VEPH1: variants seen among roughly 807,000 people sequenced by gnomAD.
VEPH1 encodes the protein ventricular zone expressed PH domain containing 1.
Under a neutral mutation model 85.2 loss-of-function variants are expected in VEPH1, and 80 were observed. The ratio of observed to expected loss-of-function variants is 0.94; its 90% CI spans 0.78 to 1.13. The LOEUF is 1.13. VEPH1 is among the 50% of genes most tolerant of loss of function. The probability of loss-of-function intolerance (pLI) is 0.00; values close to 1 mark genes in which losing one functional copy is unlikely to be tolerated. For missense variants in VEPH1, 955 were observed against 980.5 expected, an observed-to-expected ratio of 0.97 and a Z score of 0.35; for synonymous variants, 297 against 348.0, an observed-to-expected ratio of 0.85 and a Z score of 1.63.
intron 9 of VEPH1, among the ~76,000 whole-genome samples, chr3:157,346,926 A>G (rs1233951901): frequency 6.6e-6 from 1 of 152,152 alleles, no homozygotes; most frequent in East Asian, 1.9e-4. Flanking sequence ...TAAATTTTGA[A>G]TTAAATCCTT....
In VEPH1 at chr3:157,324,615, T is replaced by G. The variant is rs533393152; in HGVS notation, c.1736-7414A>C. On this transcript the variant is annotated intron_variant, in intron 9 of 13. Transcript: ENST00000362010. ...GTTTCCTGTTCCTGCATTAGTTTGC[T>G]GAGGGTAATGGCCTCCAGCTCCATC... Among the ~76,000 whole-genome samples the G allele has an allele frequency of 5.5e-4, 84 of 152,158 alleles. 1 individual carries two copies. The highest frequency in any genetic ancestry group is 1.8e-3 in the African/African-American group (73 of 41,518).
Position 157,259,998 on chromosome 3 carries a change from T to C in VEPH1, c.*1136A>G, listed in dbSNP as rs549166215. The C allele has an allele frequency of 1.3e-5, 2 of 152,254 alleles. No individual in the cohort carries two copies. Among genetic ancestry groups the C allele is most frequent in the South Asian group, 4.1e-4 (2 of 4,828 alleles). 9.4% of individuals were successfully genotyped at this position (152,254 alleles called of 1,614,324 possible). On this transcript the variant is annotated 3_prime_UTR_variant, in exon 14 of 14. Coordinates refer to ENST00000362010, the MANE Select transcript of VEPH1 (RefSeq NM_001167912.2). ...AATAGGAGAGAGAGTCTCTGACTGGTTCACTCTCTTTTAAAGGACTAGTCT... is the reference window on the plus strand; with the variant it reads ...AATAGGAGAGAGAGTCTCTGACTGGCTCACTCTCTTTTAAAGGACTAGTCT...
At chr3:157,344,453 T>C (rs1303524386) in intron 9 of VEPH1, among the ~76,000 whole-genome samples, 4 of 152,150 alleles carry the variant, frequency 2.6e-5, no homozygotes, top group Non-Finnish European at 5.9e-5. Context: ...ATAAAATACC[T>C]AGGAATCCAA....
intron 9 of VEPH1, 88 bp downstream of exon 9, chr3:157,363,276 G>A (rs887767700): frequency 3.9e-6 from 5 of 1,271,658 alleles, no homozygotes; most frequent in Admixed American, 5.0e-5. Context: ...ATCCAGAAAA[G>A]AGTATGCTAA....
At chr3:157,369,191 A>AAAAAAAAAAAAAAAAAAAAC (rs1577469463) in intron 7 of VEPH1, among the ~76,000 whole-genome samples, 3 of 145,086 alleles carry the variant, frequency 2.1e-5, no homozygotes, top group Non-Finnish European at 4.5e-5. Flanking sequence ...AAAAAAAAAA[A>AAAAAAAAAAAAAAAAAAAAC]AAAAAAAAAA....
At position 157,388,904 on chromosome 3, in the gene VEPH1, C is replaced by T. The variant is rs532251721; in HGVS notation, c.907-7528G>A. Among the ~76,000 whole-genome samples, 7 of 152,180 alleles carry T rather than the reference C, an allele frequency of 4.6e-5. No individual in the cohort carries two copies. In the South Asian group the frequency reaches 1.0e-3, roughly 23 times the overall value. On this transcript the variant is annotated intron_variant, in intron 6 of 13. Transcript: ENST00000362010. ...GAGTATCCTTGGATTTTGGTATCCACGGGGGTTCTGGAACCAATTTTCCTC... is the reference window on the plus strand; with the variant it reads ...GAGTATCCTTGGATTTTGGTATCCATGGGGGTTCTGGAACCAATTTTCCTC...
chr3:157,389,850 T>C (rs980650336), intron 6 of VEPH1, among the ~76,000 whole-genome samples: 1 of 152,190 alleles, frequency 6.6e-6, no homozygotes, highest in Non-Finnish European at 1.5e-5. Flanking sequence ...TTTACTGAGG[T>C]CAGCTGAAAT....
At chr3:157,410,201 C>T (rs1005124419) in intron 6 of VEPH1, among the ~76,000 whole-genome samples, 5 of 152,080 alleles carry the variant, frequency 3.3e-5, no homozygotes, top group African/African-American at 4.8e-5. Context: ...ATAAGGGAGA[C>T]GATCCTAAGG....
At chr3:157,359,619 AT>A (rs1054628940) in intron 9 of VEPH1, among the ~76,000 whole-genome samples, 7 of 152,300 alleles carry the variant, frequency 4.6e-5, no homozygotes, top group Admixed American at 4.6e-4. Flanking sequence ...AGTGTGATCA[AT>A]ATTATGCAAC....
At chr3:157,299,904 C>T (rs915401279) in intron 11 of VEPH1, among the ~76,000 whole-genome samples, 5 of 152,172 alleles carry the variant, frequency 3.3e-5, no homozygotes, top group African/African-American at 9.7e-5. Context: ...TACTATATGG[C>T]AATCACTGCT....
At chr3:157,273,615 C>G (rs1424798979) in intron 12 of VEPH1, among the ~76,000 whole-genome samples, 2 of 152,072 alleles carry the variant, frequency 1.3e-5, no homozygotes, top group Non-Finnish European at 2.9e-5. Context: ...GGAACTGTAA[C>G]TCATTCTGGG....
At chr3:157,489,358 T>G in intron 2 of VEPH1, 1 of 348,692 alleles carries the variant, frequency 2.9e-6, no homozygotes, top group South Asian at 2.2e-5. Context: ...TACTTAATGG[T>G]CCTTCTGCCT....
rs909497157 is a variant in VEPH1 at position 157,262,254 on chromosome 3, G to A, written c.2266-884C>T. On this transcript the variant is annotated intron_variant, in intron 13 of 13. Coordinates refer to ENST00000362010, the MANE Select transcript of VEPH1 (RefSeq NM_001167912.2). ...ATCAGGGAAGTATCCATCAGCCAAG[G>A]CAATGTAATCACTCCTCATCTATTT... is the stretch of plus-strand genomic sequence containing the variant. Among the ~76,000 whole-genome samples the A allele has an allele frequency of 3.9e-5, 6 of 151,984 alleles. No individual in the cohort carries two copies. The South Asian group carries it at 8.3e-4, about 21-fold the overall frequency.
intron 6 of VEPH1, among the ~76,000 whole-genome samples, chr3:157,395,220 G>T (rs1730251770): frequency 6.6e-6 from 1 of 152,218 alleles, no homozygotes; most frequent in Non-Finnish European, 1.5e-5. Context: ...AGAATTGCAT[G>T]TAGGAAAGGC....
chr3:157,296,862 C>T (rs1490735130), intron 11 of VEPH1, among the ~76,000 whole-genome samples: 5 of 152,242 alleles, frequency 3.3e-5, no homozygotes, highest in South Asian at 2.1e-4. Flanking sequence ...TTAATGCACT[C>T]CTCAAACTAT....
At chr3:157,295,469 G>C (rs1159964458) in intron 11 of VEPH1, among the ~76,000 whole-genome samples, 1 of 151,826 alleles carries the variant, frequency 6.6e-6, no homozygotes, top group Non-Finnish European at 1.5e-5. Context: ...TCATTTTGTT[G>C]ACATGTTTAC....
chr3:157,328,308 C>G (rs1218876986), intron 9 of VEPH1, among the ~76,000 whole-genome samples: 1 of 151,970 alleles, frequency 6.6e-6, no homozygotes, highest in Non-Finnish European at 1.5e-5. Flanking sequence ...ATCACTGTTA[C>G]TGCTACTATT....
chr3:157,287,291 C>T (rs1026279453), intron 11 of VEPH1, among the ~76,000 whole-genome samples: 1 of 152,072 alleles, frequency 6.6e-6, no homozygotes. Context: ...GAGAGGATCG[C>T]TTGAGCCTGT....
intron 6 of VEPH1, among the ~76,000 whole-genome samples, chr3:157,386,853 A>G (rs544997179): frequency 7.9e-5 from 12 of 152,314 alleles, no homozygotes; most frequent in African/African-American, 2.9e-4. Context: ...TGTTCTATTA[A>G]TGCAAATGTC....
Sources: allele counts gnomAD v4.1 joint callset (sites outside exome capture counted in the v4.1 genomes callset), GRCh38; gene constraint gnomAD v4.1.1; transcripts MANE v1.5; gene names NCBI Gene and HGNC (gene_info 2026-07-23, HGNC 2026-07-21).